LNX2: variants seen among roughly 807,000 people sequenced by gnomAD.
The protein encoded by LNX2 is ligand of Numb protein X 2.
Under a neutral mutation model 66.2 loss-of-function variants are expected in LNX2, and 35 were observed. The observed-to-expected ratio is 0.53, with a 90% confidence interval of 0.40 to 0.70. LNX2 has a LOEUF of 0.70. Ranked by LOEUF, LNX2 falls within the 30% of genes least tolerant of loss-of-function variation. The pLI is 0.00. For synonymous variants in LNX2, 337 were observed against 315.6 expected, an observed-to-expected ratio of 1.07 and a Z score of -0.72; for missense variants, 791 against 850.8, an observed-to-expected ratio of 0.93 and a Z score of 0.87.
chr13:27,578,342 A>G (rs1194225584), intron 2 of LNX2, among the ~76,000 whole-genome samples: 2 of 152,232 alleles, frequency 1.3e-5, no homozygotes, highest in African/African-American at 4.8e-5. Flanking sequence ...ATGAATTTCA[A>G]TGAAACTTAC....
intron 6 of LNX2, among the ~76,000 whole-genome samples, chr13:27,556,925 T>C (rs150036009): frequency 0.023 from 3,460 of 152,290 alleles, 67 homozygotes; most frequent in Non-Finnish European, 0.036. Context: ...ATGAAGAAGA[T>C]GCAAATCTAC....
chr13:27,573,839 G>A (rs1955313656), intron 2 of LNX2, among the ~76,000 whole-genome samples: 1 of 151,350 alleles, frequency 6.6e-6, no homozygotes, highest in Non-Finnish European at 1.5e-5. Flanking sequence ...AGTTTTCTGA[G>A]TTGCCACATT....
intron 8 of LNX2, among the ~76,000 whole-genome samples, chr13:27,551,245 C>A (rs1262363654): frequency 6.6e-6 from 1 of 151,732 alleles, no homozygotes; most frequent in Non-Finnish European, 1.5e-5. Flanking sequence ...TATGATCATG[C>A]CAACTTGGGT....
chr13:27,589,542 C>T (rs116537389), intron 1 of LNX2, among the ~76,000 whole-genome samples: 52 of 152,052 alleles, frequency 3.4e-4, no homozygotes, highest in African/African-American at 1.2e-3. Context: ...CAAATTGTGG[C>T]TAATAGAAAA....
At chr13:27,588,699 T>G (rs1259714354) in intron 1 of LNX2, among the ~76,000 whole-genome samples, 1 of 152,158 alleles carries the variant, frequency 6.6e-6, no homozygotes, top group Non-Finnish European at 1.5e-5. Flanking sequence ...AATCTACAAT[T>G]ATCACAAAAT....
intron 1 of LNX2, among the ~76,000 whole-genome samples, chr13:27,614,936 T>G (rs1412033311): frequency 6.7e-6 from 1 of 149,180 alleles, no homozygotes. Flanking sequence ...CACTCAGGAG[T>G]GTTTTTTTCT....
intron 1 of LNX2, among the ~76,000 whole-genome samples, chr13:27,590,555 G>A (rs1432883647): frequency 2.0e-5 from 3 of 152,068 alleles, no homozygotes; most frequent in African/African-American, 7.2e-5. Context: ...GGCAAGCACA[G>A]GTAAATGTTA....
chr13:27,561,792 G>A (rs1955138747), intron 5 of LNX2, among the ~76,000 whole-genome samples: 1 of 152,082 alleles, frequency 6.6e-6, no homozygotes, highest in African/African-American at 2.4e-5. Context: ...TAAATGCTAT[G>A]GCATGTTGCA....
chr13:27,578,835 C>A (rs2063984404), intron 2 of LNX2, among the ~76,000 whole-genome samples: 1 of 152,170 alleles, frequency 6.6e-6, no homozygotes, highest in Non-Finnish European at 1.5e-5. Context: ...CTGTGGCACA[C>A]ATAAAGATAG....
chr13:27,550,766 C>A (rs1033074851), intron 8 of LNX2, among the ~76,000 whole-genome samples: 3 of 152,056 alleles, frequency 2.0e-5, no homozygotes, highest in Non-Finnish European at 4.4e-5. Flanking sequence ...ACAAATTACA[C>A]CTCAGTAACC....
rs533888462 is a variant in LNX2, at chr13:27,608,577, A to T, written c.-101+11798T>A. On this transcript the variant is annotated intron_variant, in intron 1 of 9. Transcript: ENST00000316334. The stretch of plus-strand genomic sequence containing the variant: ...AAAAGAAAATCAACATGTATCCCTT[A>T]TATCTTCATGTAGTTTATAATGTAT... Among the ~76,000 whole-genome samples, 163 of 152,334 alleles carry T rather than the reference A, an allele frequency of 1.1e-3. 1 individual carries two copies. In the South Asian group the frequency reaches 0.032, roughly 30 times the overall value.
rs746926922 is a variant in LNX2, at chr13:27,562,601, C to A, written c.1036G>T (p.Asp346Tyr). ...TTAATGCCAAGCTGTTCACCAGAGTCCCGTTTATGAAGAGCCACTTGGAAA... is the reference window on the plus strand; with the variant it reads ...TTAATGCCAAGCTGTTCACCAGAGTACCGTTTATGAAGAGCCACTTGGAAA... ...EIFQVALHKRDSGEQLGIKLV... is the reference protein window; with the variant it reads ...EIFQVALHKRYSGEQLGIKLV... The change falls in exon 5 of 10, where the codon GAC (aspartate) becomes TAC (tyrosine). Residue 346 changes from aspartate (D) to tyrosine (Y), a missense_variant. Asp to Tyr is a radical substitution (Grantham distance 160). Transcript: ENST00000316334. The A allele has an allele frequency of 1.5e-5, 25 of 1,614,012 alleles. No homozygotes were observed. Among genetic ancestry groups the A allele is most frequent in the Non-Finnish European group, 8.5e-7 (1 of 1,180,028 alleles).
At chr13:27,614,310 T>A (rs1955804361) in intron 1 of LNX2, among the ~76,000 whole-genome samples, 1 of 152,198 alleles carries the variant, frequency 6.6e-6, no homozygotes, top group Non-Finnish European at 1.5e-5. Context: ...ATAACATCAC[T>A]ACTGGAGAAA....
chr13:27,554,982 C>G (rs1337059467), intron 7 of LNX2, among the ~76,000 whole-genome samples: 1 of 152,114 alleles, frequency 6.6e-6, no homozygotes, highest in Non-Finnish European at 1.5e-5. Flanking sequence ...GACAGGATCT[C>G]ACTCTGATGC....
intron 1 of LNX2, among the ~76,000 whole-genome samples, chr13:27,618,968 G>A (rs1206445972): frequency 6.6e-6 from 1 of 152,234 alleles, no homozygotes; most frequent in Admixed American, 6.5e-5. Context: ...TGGGATAAAG[G>A]CATGGATCAG....
At chr13:27,562,356 A>G in intron 5 of LNX2, 57 bp downstream of exon 5, 1 of 1,528,438 alleles carries the variant, frequency 6.5e-7, no homozygotes, top group Non-Finnish European at 8.8e-7. Flanking sequence ...GTGAAAACAA[A>G]TACTACTATA....
At chr13:27,586,597 T>C (rs551976841) in intron 1 of LNX2, among the ~76,000 whole-genome samples, 2 of 152,342 alleles carry the variant, frequency 1.3e-5, no homozygotes, top group East Asian at 3.9e-4. Flanking sequence ...TCAGCAAGTT[T>C]AGGTGAACAA....
In LNX2 at chr13:27,551,945, A is replaced by T. The variant is rs978004217; in HGVS notation, c.1778+1263T>A. Among the ~76,000 whole-genome samples the T allele has an allele frequency of 3.3e-5, 5 of 152,298 alleles. No individual in the cohort carries two copies. The East Asian group carries it at 9.7e-4, about 29-fold the overall frequency. ...CGTGTGAAACCTGCATATAGGGGCC[A>T]CCTGCACCCACTGAGGAGGACACAT... is the stretch of plus-strand genomic sequence containing the variant. On this transcript the variant is annotated intron_variant, in intron 8 of 9. Transcript: ENST00000316334.
chr13:27,583,222 G>C (rs1473652366), intron 1 of LNX2, among the ~76,000 whole-genome samples: 1 of 21,460 alleles, frequency 4.7e-5, no homozygotes, highest in African/African-American at 4.7e-4. Context: ...GTGTGTGTGT[G>C]TGTGTGTGTG....
Sources: allele counts gnomAD v4.1 joint callset (sites outside exome capture counted in the v4.1 genomes callset), GRCh38; gene constraint gnomAD v4.1.1; transcripts MANE v1.5; gene names NCBI Gene and HGNC (gene_info 2026-07-23, HGNC 2026-07-21).